The following BNIP3L variants were observed in gnomAD, a reference collection of about 807,000 sequenced individuals.
BNIP3L encodes BCL2/adenovirus E1B 19 kDa protein-interacting protein 3-like.
A neutral mutation model predicts 25.5 loss-of-function variants in BNIP3L; 10 were observed. The observed-to-expected ratio is 0.39, with a 90% CI of 0.24 to 0.67. BNIP3L has a LOEUF of 0.67. Ranked by LOEUF, BNIP3L falls within the 30% of genes least tolerant of loss-of-function variation. The probability of loss-of-function intolerance (pLI) is 0.45; values close to 1 mark genes in which losing one functional copy is unlikely to be tolerated. For synonymous variants in BNIP3L, 113 were observed against 101.2 expected (o/e 1.12, Z -0.70); for missense variants, 215 against 270.9 (o/e 0.79, Z 1.45).
At chr8:26,395,135 A>T (rs1470544978) in intron 2 of BNIP3L, 95 bp from the exon 3 acceptor site, 1 of 1,298,956 alleles carries the variant, frequency 7.7e-7, no homozygotes, top group South Asian at 1.4e-5. Flanking sequence ...TCAAAGCCAT[A>T]CTGCTGTAAC....
chr8:26,391,184 T>A, intron 1 of BNIP3L, 59 bp from the exon 2 acceptor site: 2 of 1,401,702 alleles, frequency 1.4e-6, no homozygotes, highest in Non-Finnish European at 1.9e-6. Flanking sequence ...TGTTCACATC[T>A]GTGTGCACAT....
intron 5 of BNIP3L, among the ~76,000 whole-genome samples, chr8:26,408,894 A>T (rs984458505): frequency 3.5e-5 from 5 of 143,606 alleles, no homozygotes; most frequent in African/African-American, 7.7e-5. Flanking sequence ...AAAAAAAAGA[A>T]GATGTTCATA....
intron 1 of BNIP3L, among the ~76,000 whole-genome samples, chr8:26,389,502 T>A (rs1806059592): frequency 6.6e-6 from 1 of 152,164 alleles, no homozygotes. Context: ...AATGAGGCCA[T>A]GGAGATGTTG....
intron 2 of BNIP3L, among the ~76,000 whole-genome samples, chr8:26,391,754 C>T (rs966041304): frequency 2.0e-5 from 3 of 152,180 alleles, no homozygotes; most frequent in Admixed American, 6.5e-5. Context: ...CTTTGTGTCC[C>T]TGTGTTACAG....
rs1806659184 is a variant in BNIP3L at position 26,412,783 on chromosome 8, AAGGC to A, written c.*2376_*2379del. ...CACCTGTTTACAATTTGGGGACAAA[AAGGC>A]AGGCTTCATTTTTCATATGTTTGAT... On this transcript the variant is annotated 3_prime_UTR_variant, in exon 6 of 6. Transcript: ENST00000380629. 1 of 152,652 alleles carries A rather than the reference AAGGC, an allele frequency of 6.6e-6. No individual in the cohort carries two copies. The highest frequency in any genetic ancestry group is 1.5e-5 in the Non-Finnish European group (1 of 68,034). The allele number at this position is 152,652 out of a possible 1,614,324, so 9.5% of individuals were successfully genotyped here. A position where few individuals can be genotyped will look rare whatever the true frequency, so the allele number is the denominator to read the frequency against.
At chr8:26,388,681 A>G (rs531697695) in intron 1 of BNIP3L, among the ~76,000 whole-genome samples, 1 of 152,300 alleles carries the variant, frequency 6.6e-6, no homozygotes, top group South Asian at 2.1e-4. Context: ...TCAAAAAAGT[A>G]AAAACCAGGT....
At chr8:26,407,027 C>CT (rs1354763003) in intron 3 of BNIP3L, among the ~76,000 whole-genome samples, 2 of 150,044 alleles carry the variant, frequency 1.3e-5, no homozygotes, top group African/African-American at 2.5e-5. Flanking sequence ...GAATCTCACT[C>CT]TATCACCCAG....
chr8:26,383,145 A>C lies in BNIP3L; in HGVS notation c.15A>C (p.Leu5=). 6.2e-7 allele frequency: 1 copy of C among 1,611,454 alleles called. No individual in the cohort carries two copies. Among genetic ancestry groups the C allele is most frequent in the Non-Finnish European group, 8.5e-7 (1 of 1,179,438 alleles). Reference sequence around the variant, plus strand: ...GCTGTCCGACAATGTCGTCCCACCTAGTCGAGCCGCCGCCGCCCCTGCACA... The same window carrying C: ...GCTGTCCGACAATGTCGTCCCACCTCGTCGAGCCGCCGCCGCCCCTGCACA... MSSH[L]VEPPPPLHNN... Residue 5 remains leucine, a synonymous_variant, in exon 1 of 6, where the codon CTA becomes CTC. Coordinates refer to ENST00000380629, the MANE Select transcript of BNIP3L (RefSeq NM_004331.3).
At chr8:26,389,524 C>G (rs973774120) in intron 1 of BNIP3L, among the ~76,000 whole-genome samples, 1 of 152,116 alleles carries the variant, frequency 6.6e-6, no homozygotes, top group African/African-American at 2.4e-5. Flanking sequence ...ACAACTGTGT[C>G]GTTTGGCAGC....
At chr8:26,383,253 G>C (rs1422926002) in intron 1 of BNIP3L, 23 bp downstream of exon 1, 1 of 1,595,732 alleles carries the variant, frequency 6.3e-7, no homozygotes, top group Admixed American at 1.8e-5. Flanking sequence ...CCGAGGCTCT[G>C]TGAAGGGGAT....
In BNIP3L at chr8:26,390,340, C is replaced by T. The variant is rs1001268373; in HGVS notation, c.101-903C>T. 4.1e-6 allele frequency: 4 copies of T among 983,752 alleles called. No homozygotes were observed. The African/African-American group carries it at 5.2e-5, about 13-fold the overall frequency. 60.9% of individuals were successfully genotyped at this position (983,752 alleles called of 1,614,324 possible). On this transcript the variant is annotated intron_variant, in intron 1 of 5. Transcript: ENST00000380629. ...ATTTTCAAGATGTATGCAGAATTAC[C>T]AGTGGCACATCCCCTTTTTCTGTGG...
intron 3 of BNIP3L, among the ~76,000 whole-genome samples, chr8:26,405,800 T>C (rs963100980): frequency 6.6e-6 from 1 of 152,204 alleles, no homozygotes; most frequent in Admixed American, 6.5e-5. Context: ...CTCAACACTT[T>C]GGGAGGCTGA....
chr8:26,387,179 C>T lies in BNIP3L; in HGVS notation c.100+3949C>T, dbSNP rs2117464153. Reference sequence around the variant, plus strand: ...TTATAAAACTGTAAAGATTATACAACATACGGCAATGAGTATAATCACAAT... The same window carrying T: ...TTATAAAACTGTAAAGATTATACAATATACGGCAATGAGTATAATCACAAT... On this transcript the variant is annotated intron_variant, in intron 1 of 5. Coordinates refer to ENST00000380629, the MANE Select transcript of BNIP3L (RefSeq NM_004331.3). Among the ~76,000 whole-genome samples the T allele has an allele frequency of 2.0e-5, 3 of 152,206 alleles. 1 individual carries two copies. In the South Asian group the frequency reaches 6.2e-4, roughly 32 times the overall value.
chr8:26,402,723 T>C (rs570648754), intron 3 of BNIP3L, among the ~76,000 whole-genome samples: 22 of 152,220 alleles, frequency 1.4e-4, no homozygotes, highest in Admixed American at 1.3e-3. Context: ...CCCACAAGTT[T>C]TTGAGTCCAG....
chr8:26,391,517 C>G, intron 2 of BNIP3L, 91 bp downstream of exon 2: 1 of 1,128,322 alleles, frequency 8.9e-7, no homozygotes, highest in Non-Finnish European at 1.2e-6. Flanking sequence ...CTTAAATCTT[C>G]ACTTAGCAAA....
chr8:26,412,190 T>C lies in BNIP3L; in HGVS notation c.*1778T>C, dbSNP rs1423820312. The C allele has an allele frequency of 6.6e-6, 1 of 152,226 alleles. No individual in the cohort carries two copies. Among genetic ancestry groups the C allele is most frequent in the African/African-American group, 2.4e-5 (1 of 41,458 alleles). 9.4% of individuals were successfully genotyped at this position (152,226 alleles called of 1,614,324 possible). Reference sequence around the variant, plus strand: ...TCTTACTCTTAAACCTGGTAACACTTGATTTGCCTTCTATAACCTATTTAT... The same window carrying C: ...TCTTACTCTTAAACCTGGTAACACTCGATTTGCCTTCTATAACCTATTTAT... On this transcript the variant is annotated 3_prime_UTR_variant, in exon 6 of 6. Transcript: ENST00000380629.
At chr8:26,406,047 A>G (rs1315620607) in intron 3 of BNIP3L, among the ~76,000 whole-genome samples, 1 of 151,784 alleles carries the variant, frequency 6.6e-6, no homozygotes, top group Non-Finnish European at 1.5e-5. Context: ...CGTCTCAAAA[A>G]GAAAACTGAA....
intron 1 of BNIP3L, among the ~76,000 whole-genome samples, chr8:26,388,023 A>G (rs559005780): frequency 5.9e-5 from 9 of 152,244 alleles, no homozygotes; most frequent in African/African-American, 9.6e-5. Context: ...GTATGTGTGT[A>G]TGGTACAGTT....
rs1220480923 is a variant in BNIP3L at position 26,408,005 on chromosome 8, A to T, written c.363A>T (p.Glu121Asp). The T allele has an allele frequency of 6.8e-6, 11 of 1,613,934 alleles. No homozygotes were observed. The highest frequency in any genetic ancestry group is 9.3e-6 in the Non-Finnish European group (11 of 1,179,934). Residue 121 changes from glutamate (E) to aspartate (D), a missense_variant, in exon 4 of 6, where the codon GAA becomes GAT. Glu to Asp is a conservative substitution (Grantham distance 45). Transcript: ENST00000380629. ...HTSRDHSSQS[E>D]EEVVEGEKEV... The stretch of plus-strand genomic sequence containing the variant: ...GTTTGAATTCTTCTTTACAGTCAGA[A>T]GAAGAAGTTGTAGAAGGAGAGAAGG...
Sources: allele counts gnomAD v4.1 joint callset (sites outside exome capture counted in the v4.1 genomes callset), GRCh38; gene constraint gnomAD v4.1.1; transcripts MANE v1.5; gene names NCBI Gene and HGNC (gene_info 2026-07-23, HGNC 2026-07-21).